The following PUM3 variants were observed in gnomAD, a reference collection of about 807,000 sequenced individuals.
The protein encoded by PUM3 is pumilio RNA binding family member 3.
A neutral mutation model predicts 84.0 loss-of-function variants in PUM3; 91 were observed. That is an observed-to-expected ratio of 1.08 (90% CI 0.91 to 1.29). The LOEUF (loss-of-function observed/expected upper bound fraction) is 1.29, where lower values mean the gene tolerates loss of function less well. Ranked by LOEUF, PUM3 falls within the 50% of genes most tolerant of loss-of-function variation. PUM3 has a pLI of 0.00. For synonymous variants in PUM3, 321 were observed against 266.7 expected (o/e 1.20, Z -1.98); for missense variants, 1,067 against 767.5 (o/e 1.39, Z -4.61).
intron 10 of PUM3, among the ~76,000 whole-genome samples, chr9:2,825,361 A>T (rs1815785558): frequency 6.6e-6 from 1 of 152,250 alleles, no homozygotes; most frequent in South Asian, 2.1e-4. Context: ...CTATACTAAC[A>T]TTTAGACTAA....
At chr9:2,836,822 T>G (rs1816134614) in intron 3 of PUM3, among the ~76,000 whole-genome samples, 1 of 152,158 alleles carries the variant, frequency 6.6e-6, no homozygotes, top group Admixed American at 6.6e-5. Context: ...TGTGTGTGTG[T>G]GTGTTTTGCC....
At chr9:2,822,471 CT>C (rs1305244974) in intron 12 of PUM3, among the ~76,000 whole-genome samples, 2 of 151,692 alleles carry the variant, frequency 1.3e-5, no homozygotes, top group Non-Finnish European at 2.9e-5. Flanking sequence ...CTTATCACCC[CT>C]TTAGAAGTAA....
rs1182101969 is a variant in PUM3 at position 2,834,178 on chromosome 9, A to G, written c.305-12T>C. On this transcript the variant is annotated splice_polypyrimidine_tract_variant and intron_variant, in intron 3 of 17. Transcript: ENST00000397885. Reference sequence around the variant, plus strand: ...CTTGGCTGCTGATTCTAGTTATTATAGAAATTATTTTCAATTACATTTAAC... The same window carrying G: ...CTTGGCTGCTGATTCTAGTTATTATGGAAATTATTTTCAATTACATTTAAC... The G allele has an allele frequency of 6.2e-7, 1 of 1,603,948 alleles. No homozygotes were observed. The highest frequency in any genetic ancestry group is 1.1e-5 in the South Asian group (1 of 89,380).
chr9:2,834,295 T>A (rs1816063717), intron 3 of PUM3, 129 bp from the exon 4 acceptor site: 1 of 719,894 alleles, frequency 1.4e-6, no homozygotes, highest in Admixed American at 2.9e-5. Flanking sequence ...AAGGGGAACA[T>A]ACCATCCCCC....
At chr9:2,829,477 T>C (rs1815913922) in intron 8 of PUM3, among the ~76,000 whole-genome samples, 1 of 152,028 alleles carries the variant, frequency 6.6e-6, no homozygotes, top group African/African-American at 2.4e-5. Flanking sequence ...CTATTGGGAG[T>C]CTTGTCCTTC....
intron 13 of PUM3, among the ~76,000 whole-genome samples, chr9:2,815,346 C>T (rs767697473): frequency 1.3e-5 from 2 of 152,184 alleles, no homozygotes; most frequent in African/African-American, 4.8e-5. Flanking sequence ...AAGAGTACTA[C>T]TCCATTTCTC....
chr9:2,823,262 G>A (rs1009585807), intron 12 of PUM3, among the ~76,000 whole-genome samples: 12 of 151,894 alleles, frequency 7.9e-5, no homozygotes, highest in African/African-American at 2.9e-4. Context: ...TAGGAAAATT[G>A]TTACTGCATT....
At chr9:2,828,579 A>G (rs1332428217) in intron 9 of PUM3, 96 bp downstream of exon 9, 3 of 728,482 alleles carry the variant, frequency 4.1e-6, no homozygotes, top group Non-Finnish European at 7.2e-6. Context: ...AATACTTGTA[A>G]GCAGGAAATA....
chr9:2,816,830 T>A (rs1821480198), intron 13 of PUM3, among the ~76,000 whole-genome samples: 1 of 152,238 alleles, frequency 6.6e-6, no homozygotes, highest in Non-Finnish European at 1.5e-5. Context: ...GATCACTATC[T>A]GCTGATTACA....
intron 13 of PUM3, among the ~76,000 whole-genome samples, chr9:2,817,040 C>T (rs894426532): frequency 6.6e-6 from 1 of 152,194 alleles, no homozygotes; most frequent in African/African-American, 2.4e-5. Flanking sequence ...TCTATATAAA[C>T]ATACATGCAG....
intron 17 of PUM3, among the ~76,000 whole-genome samples, chr9:2,805,249 G>A (rs1456129844): frequency 6.6e-6 from 1 of 152,074 alleles, no homozygotes; most frequent in Non-Finnish European, 1.5e-5. Context: ...TACAAAATAA[G>A]CCCGGCCTCT....
chr9:2,815,852 T>C (rs1461075544), intron 13 of PUM3, among the ~76,000 whole-genome samples: 1 of 152,224 alleles, frequency 6.6e-6, no homozygotes, highest in African/African-American at 2.4e-5. Flanking sequence ...CCATTTATTG[T>C]AATTTCTTCT....
At chr9:2,827,947 G>C (rs546754659) in intron 9 of PUM3, among the ~76,000 whole-genome samples, 21 of 152,280 alleles carry the variant, frequency 1.4e-4, no homozygotes, top group African/African-American at 4.8e-4. Context: ...CCAGGCAGTC[G>C]GGTCCCAAAA....
intron 12 of PUM3, 72 bp downstream of exon 12, chr9:2,823,709 A>G: frequency 1.5e-6 from 1 of 657,062 alleles, no homozygotes; most frequent in East Asian, 3.3e-5. Context: ...AATTTTTCCA[A>G]ATTTTCTATA....
rs576704716 is a variant in PUM3, at chr9:2,811,358, T to C, written c.1635+3A>G. On this transcript the variant is annotated splice_donor_region_variant and intron_variant, in intron 15 of 17. Transcript: ENST00000397885. ...TCCTGCCTGTGCTTTAATGGCACAT[T>C]ACCTCTCCGTCCTTGCCACCAGGAT... 1.3e-5 allele frequency: 21 copies of C among 1,613,716 alleles called. No individual in the cohort carries two copies. The highest frequency in any genetic ancestry group is 1.8e-5 in the Non-Finnish European group (21 of 1,179,908).
intron 8 of PUM3, 108 bp downstream of exon 8, chr9:2,829,666 G>A: frequency 1.1e-6 from 1 of 945,340 alleles, no homozygotes; most frequent in South Asian, 1.8e-5. Flanking sequence ...GTCTCTTAAA[G>A]AACCAGCCAC....
chr9:2,818,038 G>A (rs73377837), intron 13 of PUM3, among the ~76,000 whole-genome samples: 2,819 of 152,326 alleles, frequency 0.019, 80 homozygotes, highest in African/African-American at 0.065. Flanking sequence ...CAGCTGACCA[G>A]GCTGTGATTT....
At chr9:2,810,765 G>A (rs767810868) in intron 15 of PUM3, among the ~76,000 whole-genome samples, 6 of 152,158 alleles carry the variant, frequency 3.9e-5, no homozygotes, top group Non-Finnish European at 7.3e-5. Flanking sequence ...GTCATTCTCA[G>A]ACACAAATAA....
chr9:2,830,819 C>A, intron 7 of PUM3, 143 bp downstream of exon 7: 1 of 582,022 alleles, frequency 1.7e-6, no homozygotes, highest in Non-Finnish European at 3.1e-6. Flanking sequence ...ATGATACTCT[C>A]TAAAAACAAC....
Sources: allele counts gnomAD v4.1 joint callset (sites outside exome capture counted in the v4.1 genomes callset), GRCh38; gene constraint gnomAD v4.1.1; transcripts MANE v1.5; gene names NCBI Gene and HGNC (gene_info 2026-07-23, HGNC 2026-07-21).